PCSK5: variants seen among roughly 807,000 people sequenced by gnomAD.
PCSK5 encodes the protein proprotein convertase subtilisin/kexin type 5.
In PCSK5, 129 loss-of-function variants were observed where a neutral mutation model predicts 233.2. That is an observed-to-expected ratio of 0.55 (90% confidence interval 0.48 to 0.64). The LOEUF is 0.64. PCSK5 is among the 30% of genes least tolerant of loss of function. The probability of loss-of-function intolerance (pLI) is 0.00; values close to 1 mark genes in which losing one functional copy is unlikely to be tolerated. For missense variants in PCSK5, 2,076 were observed against 2,430.1 expected (o/e 0.85, Z 3.06); for synonymous variants, 825 against 879.2 (o/e 0.94, Z 1.09).
intron 28 of PCSK5, among the ~76,000 whole-genome samples, chr9:76,307,417 A>G (rs1828735667): frequency 6.6e-6 from 1 of 152,104 alleles, no homozygotes; most frequent in Non-Finnish European, 1.5e-5. Context: ...TCGTTTTCTA[A>G]TTTTTTCCTG....
At chr9:76,352,846 C>T (rs373159108) in intron 36 of PCSK5, among the ~76,000 whole-genome samples, 2 of 150,868 alleles carry the variant, frequency 1.3e-5, no homozygotes, top group Admixed American at 1.3e-4. Context: ...TTAAAGATTA[C>T]AGCCTGGGCA....
chr9:75,944,487 C>T (rs996585231), intron 2 of PCSK5, among the ~76,000 whole-genome samples: 1 of 152,118 alleles, frequency 6.6e-6, no homozygotes, highest in Non-Finnish European at 1.5e-5. Flanking sequence ...TTTCTGTTCT[C>T]ATCTGACTCC....
At chr9:76,128,302 A>G (rs1394695265) in intron 9 of PCSK5, among the ~76,000 whole-genome samples, 1 of 152,206 alleles carries the variant, frequency 6.6e-6, no homozygotes, top group African/African-American at 2.4e-5. Context: ...GAAGAAAAAG[A>G]GGCCTTAAGG....
intron 35 of PCSK5, among the ~76,000 whole-genome samples, chr9:76,339,198 G>A (rs1219862501): frequency 6.6e-6 from 1 of 151,668 alleles, no homozygotes; most frequent in Admixed American, 6.6e-5. Context: ...ATAAATATAT[G>A]AGCACCATGA....
At chr9:76,355,365 C>T (rs1830273994) in intron 37 of PCSK5, among the ~76,000 whole-genome samples, 2 of 151,960 alleles carry the variant, frequency 1.3e-5, no homozygotes, top group Admixed American at 1.3e-4. Context: ...CCCAGCTACT[C>T]AGGAGGCTGA....
At position 75,912,283 on chromosome 9, in the gene PCSK5, G is replaced by C. The variant is rs1000762480; in HGVS notation, c.193-20096G>C. On this transcript the variant is annotated intron_variant, in intron 1 of 37. Transcript: ENST00000674117. ...CACGTTCTGGTTGAGGGAACAGCCAGTGCAAAGGCCGTGGACAGGAGAGAA... is the reference window on the plus strand; with the variant it reads ...CACGTTCTGGTTGAGGGAACAGCCACTGCAAAGGCCGTGGACAGGAGAGAA... Among the ~76,000 whole-genome samples the C allele has an allele frequency of 2.6e-5, 4 of 152,206 alleles. No individual in the cohort carries two copies. In the East Asian group the frequency reaches 7.7e-4, roughly 29 times the overall value.
intron 6 of PCSK5, among the ~76,000 whole-genome samples, chr9:76,069,172 T>C (rs1564007786): frequency 6.6e-6 from 1 of 152,106 alleles, no homozygotes; most frequent in Non-Finnish European, 1.5e-5. Flanking sequence ...GCACAATGCA[T>C]ATGAAAGAGC....
chr9:76,287,272 CA>C (rs1828107517), intron 24 of PCSK5: 1 of 227,100 alleles, frequency 4.4e-6, no homozygotes, highest in Non-Finnish European at 9.8e-6. Context: ...CCAGAAGGAG[CA>C]AATGTGGGGC....
At chr9:76,051,888 C>A (rs1453841895) in intron 5 of PCSK5, among the ~76,000 whole-genome samples, 3 of 152,152 alleles carry the variant, frequency 2.0e-5, no homozygotes, top group African/African-American at 7.2e-5. Flanking sequence ...CTAAACAGAA[C>A]CCTCTGATAG....
At position 75,891,249 on chromosome 9, in the gene PCSK5, G is replaced by T; in HGVS notation, c.68G>T (p.Gly23Val). The change falls in exon 1 of 38, where the codon GGG becomes GTG. Residue 23 changes from glycine (G) to valine (V), a missense_variant. Gly to Val is a moderately radical substitution (Grantham distance 109). Transcript: ENST00000674117. The part of the protein sequence containing the change: ...LDLLCVLALL[G>V]GCLLPVCRTR... ...CTGCTGTGCGTGCTGGCGCTGCTCG[G>T]GGGCTGCCTGCTCCCCGTGTGTCGG... 1 of 1,527,348 alleles carries T rather than the reference G, an allele frequency of 6.5e-7. No individual in the cohort carries two copies. Among genetic ancestry groups the T allele is most frequent in the African/African-American group, 1.5e-5 (1 of 68,814 alleles). The allele number at this position is 1,527,348 out of a possible 1,614,324, so 94.6% of individuals were successfully genotyped here.
At chr9:75,969,912 C>G (rs1825746049) in intron 2 of PCSK5, among the ~76,000 whole-genome samples, 1 of 148,846 alleles carries the variant, frequency 6.7e-6, no homozygotes, top group African/African-American at 2.5e-5. Context: ...CTCCCTCTGT[C>G]ACTCAGGCTG....
At chr9:75,996,236 T>C (rs1827017197) in intron 3 of PCSK5, among the ~76,000 whole-genome samples, 1 of 152,230 alleles carries the variant, frequency 6.6e-6, no homozygotes, top group Non-Finnish European at 1.5e-5. Flanking sequence ...AAGAAGACTT[T>C]TATTAATGCA....
At chr9:76,269,795 G>T (rs1827451813) in intron 24 of PCSK5, among the ~76,000 whole-genome samples, 1 of 152,150 alleles carries the variant, frequency 6.6e-6, no homozygotes, top group African/African-American at 2.4e-5. Context: ...AAACATTTTT[G>T]AAGAAAACTA....
chr9:76,086,992 C>A lies in PCSK5; in HGVS notation c.895-8898C>A, dbSNP rs530121717. 3.9e-5 allele frequency among the ~76,000 whole-genome samples: 6 copies of A among 152,258 alleles called. No homozygotes were observed. The South Asian group carries it at 1.2e-3, about 32-fold the overall frequency. On this transcript the variant is annotated intron_variant, in intron 7 of 37. Coordinates refer to ENST00000674117, the MANE Select transcript of PCSK5 (RefSeq NM_001372043.1). ...ATATTTATTTCCATTGGTAAACACA[C>A]CCAGTTTTTATTTCATCACACGTAT...
chr9:75,908,337 A>T (rs763596284), intron 1 of PCSK5, among the ~76,000 whole-genome samples: 1 of 152,338 alleles, frequency 6.6e-6, no homozygotes, highest in Non-Finnish European at 1.5e-5. Context: ...TGAAGGAGCG[A>T]TGGAAAAGCT....
At chr9:76,326,699 T>A (rs1829369043) in intron 32 of PCSK5, among the ~76,000 whole-genome samples, 1 of 152,172 alleles carries the variant, frequency 6.6e-6, no homozygotes, top group African/African-American at 2.4e-5. Context: ...CAGGGGGGCC[T>A]GCTATGTGCC....
At chr9:75,906,886 A>G (rs949698545) in intron 1 of PCSK5, among the ~76,000 whole-genome samples, 27 of 152,076 alleles carry the variant, frequency 1.8e-4, no homozygotes, top group African/African-American at 6.5e-4. Flanking sequence ...TGTTCCCCAG[A>G]TATTACGCTC....
chr9:75,990,956 C>T (rs535105320), intron 3 of PCSK5, among the ~76,000 whole-genome samples: 252 of 152,044 alleles, frequency 1.7e-3, no homozygotes, highest in African/African-American at 5.7e-3. Flanking sequence ...GATGAGCAAA[C>T]TCTGTAATAA....
At chr9:76,097,018 G>GC (rs1303491949) in intron 8 of PCSK5, among the ~76,000 whole-genome samples, 4 of 150,446 alleles carry the variant, frequency 2.7e-5, no homozygotes, top group African/African-American at 4.9e-5. Context: ...TGCAACCTCT[G>GC]CCCCCCGGGT....
Sources: gnomAD v4.1 joint callset for allele counts (sites outside exome capture counted in the v4.1 genomes callset) on GRCh38, gnomAD v4.1.1 for gene constraint, MANE v1.5 for transcripts, NCBI Gene and HGNC (gene_info 2026-07-23, HGNC 2026-07-21) for gene names.